ELMO1: variants seen among roughly 807,000 people sequenced by gnomAD.
The protein encoded by ELMO1 is engulfment and cell motility 1.
Under a neutral mutation model 98.9 loss-of-function variants are expected in ELMO1, and 26 were observed. The observed-to-expected ratio is 0.26, with a 90% CI of 0.19 to 0.36. ELMO1 has a LOEUF of 0.36. ELMO1 is among the 10% of genes least tolerant of loss of function. The probability of loss-of-function intolerance (pLI) is 1.00; values close to 1 mark genes in which losing one functional copy is unlikely to be tolerated. For synonymous variants in ELMO1, 346 were observed against 346.0 expected (o/e 1.00, Z 0.00); for missense variants, 627 against 935.2 (o/e 0.67, Z 4.30).
chr7:37,110,464 G>T (rs969913089), intron 14 of ELMO1, among the ~76,000 whole-genome samples: 1 of 152,084 alleles, frequency 6.6e-6, no homozygotes, highest in East Asian at 1.9e-4. Context: ...TTTTAAGTAC[G>T]TTTCTAAAAA....
intron 16 of ELMO1, among the ~76,000 whole-genome samples, chr7:36,970,345 T>TA (rs745679198): frequency 1.4e-4 from 21 of 152,196 alleles, no homozygotes; most frequent in Non-Finnish European, 2.9e-4. Context: ...AAAATCATAT[T>TA]ACACAATTTA....
At chr7:37,045,863 AC>A (rs1224462000) in intron 15 of ELMO1, among the ~76,000 whole-genome samples, 1 of 152,152 alleles carries the variant, frequency 6.6e-6, no homozygotes, top group Non-Finnish European at 1.5e-5. Context: ...GATAACAACC[AC>A]TATGAGGTTT....
chr7:36,944,566 T>C (rs763663261), intron 16 of ELMO1, among the ~76,000 whole-genome samples: 8 of 152,188 alleles, frequency 5.3e-5, no homozygotes, highest in Admixed American at 5.2e-4. Context: ...GTTCTACTGG[T>C]GAATATCAAG....
At chr7:37,358,931 G>A (rs1168148440) in intron 1 of ELMO1, among the ~76,000 whole-genome samples, 1 of 152,230 alleles carries the variant, frequency 6.6e-6, no homozygotes, top group African/African-American at 2.4e-5. Context: ...GACAGAAAAG[G>A]TGATGGATTT....
chr7:36,873,113 T>C (rs1803663659), intron 19 of ELMO1, among the ~76,000 whole-genome samples: 1 of 152,236 alleles, frequency 6.6e-6, no homozygotes, highest in South Asian at 2.1e-4. Flanking sequence ...GACCAGCTGC[T>C]ACATCATTCA....
At chr7:37,280,405 G>A (rs1469472420) in intron 4 of ELMO1, among the ~76,000 whole-genome samples, 2 of 152,090 alleles carry the variant, frequency 1.3e-5, no homozygotes, top group Non-Finnish European at 2.9e-5. Context: ...AGTCAGCAGA[G>A]TAAACAGACA....
chr7:37,408,132 C>T (rs1454510952), intron 1 of ELMO1, among the ~76,000 whole-genome samples: 1 of 152,144 alleles, frequency 6.6e-6, no homozygotes, highest in Non-Finnish European at 1.5e-5. Context: ...ACCTTGTGTT[C>T]CCCATACTAA....
chr7:37,439,231 G>C (rs1224266548), intron 1 of ELMO1, among the ~76,000 whole-genome samples: 1 of 152,122 alleles, frequency 6.6e-6, no homozygotes, highest in African/African-American at 2.4e-5. Context: ...AAAAGCCTTT[G>C]GCTTTCCTTT....
At chr7:37,178,474 C>T (rs1007669731) in intron 13 of ELMO1, among the ~76,000 whole-genome samples, 2 of 151,540 alleles carry the variant, frequency 1.3e-5, no homozygotes, top group African/African-American at 2.4e-5. Flanking sequence ...GGCATGGTGG[C>T]GCCTGTAGTC....
At chr7:36,967,459 G>A (rs546815568) in intron 16 of ELMO1, among the ~76,000 whole-genome samples, 2 of 152,188 alleles carry the variant, frequency 1.3e-5, no homozygotes, top group Non-Finnish European at 2.9e-5. Context: ...ATCAGTGCTC[G>A]TCCTTGGCTT....
chr7:37,411,181 A>C (rs1803979908), intron 1 of ELMO1, among the ~76,000 whole-genome samples: 1 of 152,252 alleles, frequency 6.6e-6, no homozygotes. Flanking sequence ...AGTCCCACAG[A>C]TATTAATACT....
At chr7:37,361,222 C>A (rs1011792012) in intron 1 of ELMO1, among the ~76,000 whole-genome samples, 1 of 152,064 alleles carries the variant, frequency 6.6e-6, no homozygotes, top group African/African-American at 2.4e-5. Flanking sequence ...TCATAAAAGC[C>A]AAAAGCTCAA....
chr7:37,189,885 A>C (rs558452912), intron 13 of ELMO1, among the ~76,000 whole-genome samples: 29 of 152,306 alleles, frequency 1.9e-4, no homozygotes, highest in African/African-American at 7.0e-4. Context: ...TTATCTAAAA[A>C]ATGACATTAT....
intron 19 of ELMO1, among the ~76,000 whole-genome samples, chr7:36,875,958 T>C (rs1031822107): frequency 1.3e-5 from 2 of 152,178 alleles, no homozygotes; most frequent in African/African-American, 4.8e-5. Context: ...CACTATGTCC[T>C]GTTAGTGGGA....
At chr7:37,190,452 C>T (rs1563066715) in intron 13 of ELMO1, among the ~76,000 whole-genome samples, 1 of 152,122 alleles carries the variant, frequency 6.6e-6, no homozygotes, top group Non-Finnish European at 1.5e-5. Flanking sequence ...ACTAAGATGA[C>T]ATCATAAACT....
intron 13 of ELMO1, among the ~76,000 whole-genome samples, chr7:37,149,159 CAG>C (rs778661475): frequency 1.3e-5 from 2 of 152,222 alleles, no homozygotes; most frequent in Non-Finnish European, 2.9e-5. Context: ...CAAAGGCATG[CAG>C]AGATTTCTCC....
At chr7:36,919,548 T>C in intron 16 of ELMO1, 1 of 364,942 alleles carries the variant, frequency 2.7e-6, no homozygotes, top group South Asian at 2.1e-5. Context: ...GGCATCAACC[T>C]TGCTGGGTTG....
chr7:36,953,499 AGAAAAT>A (rs1788168853), intron 16 of ELMO1, among the ~76,000 whole-genome samples: 1 of 152,250 alleles, frequency 6.6e-6, no homozygotes, highest in Non-Finnish European at 1.5e-5. Flanking sequence ...TATCATTTAC[AGAAAAT>A]GACTGTCAAA....
At chr7:37,198,010 T>G (rs1346412717) in intron 13 of ELMO1, among the ~76,000 whole-genome samples, 1 of 152,206 alleles carries the variant, frequency 6.6e-6, no homozygotes, top group Non-Finnish European at 1.5e-5. Context: ...TAATATATGT[T>G]GTGGTTTTGA....
Sources: allele counts gnomAD v4.1 joint callset (sites outside exome capture counted in the v4.1 genomes callset), GRCh38; gene constraint gnomAD v4.1.1; transcripts MANE v1.5; gene names NCBI Gene and HGNC (gene_info 2026-07-23, HGNC 2026-07-21).